Variants in ALDH1A2 observed in about 807,000 individuals in gnomAD.
The protein encoded by ALDH1A2 is retinal dehydrogenase 2.
Under a neutral mutation model 60.3 loss-of-function variants are expected in ALDH1A2, and 27 were observed. That is an observed-to-expected ratio of 0.45 (90% CI 0.33 to 0.62). The LOEUF (loss-of-function observed/expected upper bound fraction) is 0.62. Ranked by LOEUF, ALDH1A2 falls within the 20% of genes least tolerant of loss-of-function variation. The pLI is 0.02. For synonymous variants in ALDH1A2, 289 were observed against 232.4 expected, an observed-to-expected ratio of 1.24 and a Z score of -2.21; for missense variants, 581 against 643.8, an observed-to-expected ratio of 0.90 and a Z score of 1.06.
chr15:57,998,151 C>A (rs1261847770), intron 4 of ALDH1A2, among the ~76,000 whole-genome samples: 1 of 151,988 alleles, frequency 6.6e-6, no homozygotes, highest in African/African-American at 2.4e-5. Flanking sequence ...GACAAGGATG[C>A]CCTCTTTCAC....
intron 1 of ALDH1A2, among the ~76,000 whole-genome samples, chr15:58,055,904 C>CTTTG (rs1896883650): frequency 6.6e-6 from 1 of 151,792 alleles, no homozygotes; most frequent in Non-Finnish European, 1.5e-5. Context: ...AAAAAAAGGT[C>CTTTG]TTTTAGAAAT....
Position 57,955,039 on chromosome 15 carries a change from G to A in ALDH1A2, c.*158C>T. On this transcript the variant is annotated 3_prime_UTR_variant, in exon 13 of 13. Transcript: ENST00000249750. ...CCAAGAAACTGTACCCAGCTGGTTT[G>A]CTTTAGTTGTGCAGTGACCTGCCTG... 1.2e-6 allele frequency: 1 copy of A among 813,874 alleles called. No homozygotes were observed. Among genetic ancestry groups the A allele is most frequent in the Non-Finnish European group, 2.1e-6 (1 of 466,848 alleles). 50.4% of individuals were successfully genotyped at this position (813,874 alleles called of 1,614,324 possible). A position where few individuals can be genotyped will look rare whatever the true frequency, so the allele number is the denominator to read the frequency against.
At chr15:58,024,040 C>T (rs1354849124) in intron 1 of ALDH1A2, among the ~76,000 whole-genome samples, 1 of 152,154 alleles carries the variant, frequency 6.6e-6, no homozygotes, top group African/African-American at 2.4e-5. Flanking sequence ...TTGCAGTGAG[C>T]TGAGATTGCA....
At chr15:58,035,458 T>C (rs1255286867) in intron 1 of ALDH1A2, among the ~76,000 whole-genome samples, 1 of 55,752 alleles carries the variant, frequency 1.8e-5, no homozygotes, top group African/African-American at 4.5e-5. Flanking sequence ...GTGCTATAAT[T>C]TTTGTTATTT....
chr15:58,049,984 T>C (rs981299080), intron 1 of ALDH1A2, among the ~76,000 whole-genome samples: 2 of 152,058 alleles, frequency 1.3e-5, no homozygotes, highest in East Asian at 3.9e-4. Flanking sequence ...TCAGAAAGGC[T>C]AGTGGGTGTG....
chr15:57,967,078 T>C (rs1893920394), intron 7 of ALDH1A2, among the ~76,000 whole-genome samples: 1 of 151,944 alleles, frequency 6.6e-6, no homozygotes, highest in African/African-American at 2.4e-5. Flanking sequence ...ACTCCTGCAG[T>C]CCCTTGTTGA....
Position 57,981,325 on chromosome 15 carries a change from C to G in ALDH1A2, c.798+11380G>C, listed in dbSNP as rs574273897. ...ACACACACACACACACACACACACA[C>G]ACAGACACACACAAACACTGACTGG... On this transcript the variant is annotated intron_variant, in intron 7 of 12. Coordinates refer to ENST00000249750, the MANE Select transcript of ALDH1A2 (RefSeq NM_003888.4). 5.9e-4 allele frequency among the ~76,000 whole-genome samples: 86 copies of G among 145,196 alleles called. 1 individual carries two copies. The highest frequency in any genetic ancestry group is 2.4e-3 in the African/African-American group (83 of 35,318).
chr15:58,023,383 G>A (rs1176577427), intron 1 of ALDH1A2, among the ~76,000 whole-genome samples: 4 of 152,218 alleles, frequency 2.6e-5, no homozygotes, highest in African/African-American at 4.8e-5. Context: ...CAAGAAACAA[G>A]AAACAAAGAT....
chr15:58,010,576 T>A, intron 4 of ALDH1A2, 73 bp downstream of exon 4: 1 of 1,591,910 alleles, frequency 6.3e-7, no homozygotes, highest in Non-Finnish European at 8.6e-7. Context: ...TGACTGCTGT[T>A]TGTGTTTGGT....
chr15:58,032,479 C>T (rs1896267190), intron 1 of ALDH1A2, among the ~76,000 whole-genome samples: 1 of 152,060 alleles, frequency 6.6e-6, no homozygotes, highest in Non-Finnish European at 1.5e-5. Flanking sequence ...ACGTTGTGCA[C>T]ATGTACCCTA....
intron 1 of ALDH1A2, among the ~76,000 whole-genome samples, chr15:58,051,323 G>C (rs1175096038): frequency 6.6e-6 from 1 of 151,874 alleles, no homozygotes; most frequent in Non-Finnish European, 1.5e-5. Flanking sequence ...CTAACATTTT[G>C]AGAAATTTTT....
chr15:57,977,992 T>G (rs1467960922), intron 7 of ALDH1A2, among the ~76,000 whole-genome samples: 31 of 152,182 alleles, frequency 2.0e-4, no homozygotes, highest in African/African-American at 1.4e-4. Context: ...GACTTGGTTG[T>G]TTGTCTATTA....
At chr15:58,017,367 CATT>C (rs1895816382) in intron 1 of ALDH1A2, among the ~76,000 whole-genome samples, 1 of 152,136 alleles carries the variant, frequency 6.6e-6, no homozygotes, top group East Asian at 1.9e-4. Flanking sequence ...AACAGACAGA[CATT>C]ATGTAGAAAT....
intron 7 of ALDH1A2, among the ~76,000 whole-genome samples, chr15:57,987,835 G>C (rs770061712): frequency 2.0e-5 from 3 of 147,262 alleles, no homozygotes; most frequent in Non-Finnish European, 4.5e-5. Context: ...CAGTGAGCCT[G>C]AGCAACTACT....
chr15:57,963,761 T>G, intron 9 of ALDH1A2, 124 bp downstream of exon 9: 1 of 950,996 alleles, frequency 1.1e-6, no homozygotes, highest in Non-Finnish European at 1.6e-6. Flanking sequence ...CACGAAGACA[T>G]GGTGGAGAAT....
chr15:58,009,739 C>T (rs775393279), intron 4 of ALDH1A2, among the ~76,000 whole-genome samples: 8 of 151,938 alleles, frequency 5.3e-5, no homozygotes, highest in Non-Finnish European at 7.4e-5. Flanking sequence ...TAGGTTCTAA[C>T]GTCAAAGTTT....
At chr15:57,977,023 G>A (rs1323022649) in intron 7 of ALDH1A2, among the ~76,000 whole-genome samples, 1 of 151,592 alleles carries the variant, frequency 6.6e-6, no homozygotes, top group Non-Finnish European at 1.5e-5. Context: ...GTAATGATGA[G>A]CTTTTTTTCA....
chr15:58,006,907 C>A (rs978582784), intron 4 of ALDH1A2, among the ~76,000 whole-genome samples: 1 of 149,694 alleles, frequency 6.7e-6, no homozygotes, highest in African/African-American at 2.5e-5. Context: ...TTTAGTGCCA[C>A]ATTTTTCATA....
rs769297442 is a variant in ALDH1A2, at chr15:58,013,891, T to G, written c.330A>C (p.Ala110=). 2 of 1,614,234 alleles carry G rather than the reference T, an allele frequency of 1.2e-6. No homozygotes were observed. Among genetic ancestry groups the G allele is most frequent in the Non-Finnish European group, 1.7e-6 (2 of 1,180,034 alleles). ...SERGRLLDKL[A]DLVERDRAVL... is the part of the protein sequence containing the mutation. ...CTGCCCTGTCCCGTTCCACCAAGTC[T>G]GCAAGCTTATCCAACAGACGTCCCC... is the stretch of plus-strand genomic sequence containing the variant. The change falls in exon 3 of 13, where the codon GCA becomes GCC. Residue 110 remains alanine, a synonymous_variant. Coordinates refer to ENST00000249750, the MANE Select transcript of ALDH1A2 (RefSeq NM_003888.4).
Sources: gnomAD v4.1 joint callset for allele counts (sites outside exome capture counted in the v4.1 genomes callset) on GRCh38, gnomAD v4.1.1 for gene constraint, MANE v1.5 for transcripts, NCBI Gene and HGNC (gene_info 2026-07-23, HGNC 2026-07-21) for gene names.